Variants in ARHGAP15 observed in about 807,000 individuals in gnomAD.
ARHGAP15 encodes Rho GTPase activating protein 15.
ARHGAP15 carries 51 observed loss-of-function variants against 63.7 expected under a neutral mutation model. The observed-to-expected ratio is 0.80, with a 90% CI of 0.64 to 1.01. The LOEUF is 1.01. Ranked by LOEUF, ARHGAP15 falls within the 50% of genes least tolerant of loss-of-function variation. The pLI is 0.00. For synonymous variants in ARHGAP15, 191 were observed against 193.8 expected, an observed-to-expected ratio of 0.99 and a Z score of 0.12; for missense variants, 560 against 564.6, an observed-to-expected ratio of 0.99 and a Z score of 0.08.
chr2:143,145,876 GTGTA>G (rs1163945224), intron 1 of ARHGAP15, among the ~76,000 whole-genome samples: 37 of 116,812 alleles, frequency 3.2e-4, no homozygotes, highest in African/African-American at 1.0e-3. Context: ...GTGTGTGTGT[GTGTA>G]TAATATATAT....
At chr2:143,662,198 C>T (rs1437809057) in intron 12 of ARHGAP15, among the ~76,000 whole-genome samples, 1 of 152,078 alleles carries the variant, frequency 6.6e-6, no homozygotes, top group Non-Finnish European at 1.5e-5. Context: ...AGTGGTTCTC[C>T]CAGCATGCAG....
At chr2:143,358,670 AATAG>A (rs1186601619) in intron 6 of ARHGAP15, among the ~76,000 whole-genome samples, 5 of 151,826 alleles carry the variant, frequency 3.3e-5, no homozygotes, top group Admixed American at 2.6e-4. Context: ...TCTATAAGGA[AATAG>A]ATAGCTATGC....
At chr2:143,748,832 A>T (rs770205276) in intron 13 of ARHGAP15, among the ~76,000 whole-genome samples, 21 of 152,158 alleles carry the variant, frequency 1.4e-4, no homozygotes, top group Non-Finnish European at 2.2e-4. Context: ...TTCCCCTGGG[A>T]TATCTGGTCT....
chr2:143,759,751 C>T (rs1433235471), intron 13 of ARHGAP15, among the ~76,000 whole-genome samples: 1 of 152,002 alleles, frequency 6.6e-6, no homozygotes, highest in Non-Finnish European at 1.5e-5. Flanking sequence ...AATCTCCCTT[C>T]CTTAGAGAGG....
chr2:143,360,978 T>A (rs1038829614), intron 6 of ARHGAP15, among the ~76,000 whole-genome samples: 4 of 152,168 alleles, frequency 2.6e-5, no homozygotes, highest in African/African-American at 9.7e-5. Flanking sequence ...AATGTCTCTA[T>A]GTAGATCTCT....
Position 143,660,485 on chromosome 2 carries a change from G to A in ARHGAP15, c.1138+36218G>A, listed in dbSNP as rs141915979. Among the ~76,000 whole-genome samples, 6 of 152,298 alleles carry A rather than the reference G, an allele frequency of 3.9e-5. No homozygotes were observed. The East Asian group carries it at 9.6e-4, about 24-fold the overall frequency. ...GTTTAACCTGTCTAAGAATCAAAGG[G>A]TTGGAAACAAGGAAGACTTTATTTT... On this transcript the variant is annotated intron_variant, in intron 12 of 13. Coordinates refer to ENST00000295095, the MANE Select transcript of ARHGAP15 (RefSeq NM_018460.4).
intron 12 of ARHGAP15, among the ~76,000 whole-genome samples, chr2:143,642,742 T>C (rs1680667137): frequency 6.6e-6 from 1 of 151,826 alleles, no homozygotes; most frequent in South Asian, 2.1e-4. Flanking sequence ...AAAAATGCAG[T>C]GTTTGGGAGG....
At chr2:143,763,961 A>G (rs1686865016) in intron 13 of ARHGAP15, among the ~76,000 whole-genome samples, 1 of 151,564 alleles carries the variant, frequency 6.6e-6, no homozygotes, top group South Asian at 2.1e-4. Context: ...ACTCAGGAAA[A>G]AAATTTCAAG....
At chr2:143,364,318 A>T (rs1396229444) in intron 6 of ARHGAP15, among the ~76,000 whole-genome samples, 4 of 151,640 alleles carry the variant, frequency 2.6e-5, no homozygotes, top group Non-Finnish European at 5.9e-5. Flanking sequence ...CAGAAATTTA[A>T]TTTTTTCCTT....
intron 8 of ARHGAP15, among the ~76,000 whole-genome samples, chr2:143,443,296 A>G (rs545933391): frequency 1.3e-5 from 2 of 152,278 alleles, no homozygotes; most frequent in East Asian, 1.9e-4. Context: ...CAGATAAACC[A>G]TATCTAGTTC....
At chr2:143,431,700 CCAAA>C (rs1689396418) in intron 6 of ARHGAP15, among the ~76,000 whole-genome samples, 1 of 151,978 alleles carries the variant, frequency 6.6e-6, no homozygotes, top group South Asian at 2.1e-4. Flanking sequence ...TCCTATTTAT[CCAAA>C]CAGATTGTGA....
intron 6 of ARHGAP15, among the ~76,000 whole-genome samples, chr2:143,359,731 G>A (rs1685958763): frequency 6.6e-6 from 1 of 152,106 alleles, no homozygotes. Context: ...ATTATGCTTA[G>A]TTTTTATTCA....
At chr2:143,645,510 C>T (rs1244131154) in intron 12 of ARHGAP15, among the ~76,000 whole-genome samples, 1 of 152,060 alleles carries the variant, frequency 6.6e-6, no homozygotes, top group Non-Finnish European at 1.5e-5. Flanking sequence ...AGTCTCTGTA[C>T]TTATCACAGC....
At position 143,231,069 on chromosome 2, in the gene ARHGAP15, C is replaced by CTTTTTTTTTTT. The variant is rs914904536; in HGVS notation, c.384+2410_384+2420dup. Among the ~76,000 whole-genome samples the CTTTTTTTTTTT allele has an allele frequency of 5.1e-3, 643 of 125,354 alleles. 20 individuals carry two copies. Among genetic ancestry groups the CTTTTTTTTTTT allele is most frequent in the Middle Eastern group, 0.024 (5 of 210 alleles). The allele number at this position is 125,354 out of a possible 152,430, so 82.2% of individuals were successfully genotyped here. ...AGTTGGACTCTAGGGGATGTAATTC[C>CTTTTTTTTTTT]TTTTTTTTTTTTTTTTTTTACCACT... On this transcript the variant is annotated intron_variant, in intron 5 of 13. Coordinates refer to ENST00000295095, the MANE Select transcript of ARHGAP15 (RefSeq NM_018460.4).
chr2:143,216,000 G>A (rs1003136706), intron 3 of ARHGAP15, among the ~76,000 whole-genome samples: 2 of 152,156 alleles, frequency 1.3e-5, no homozygotes, highest in African/African-American at 4.8e-5. Flanking sequence ...GGCTTCGGAA[G>A]GTACATGGGG....
chr2:143,456,352 A>G (rs893818295), intron 8 of ARHGAP15, among the ~76,000 whole-genome samples: 1 of 152,166 alleles, frequency 6.6e-6, no homozygotes, highest in Non-Finnish European at 1.5e-5. Context: ...GAGGTTGTAG[A>G]GAAATATTTA....
At chr2:143,530,009 T>C (rs1694454528) in intron 10 of ARHGAP15, among the ~76,000 whole-genome samples, 1 of 152,182 alleles carries the variant, frequency 6.6e-6, no homozygotes. Flanking sequence ...AGGGCCTCAA[T>C]TCATAATGGA....
At chr2:143,310,676 GCCTTA>G (rs1356223368) in intron 6 of ARHGAP15, among the ~76,000 whole-genome samples, 1 of 151,930 alleles carries the variant, frequency 6.6e-6, no homozygotes, top group Non-Finnish European at 1.5e-5. Context: ...AAGTGTAGCT[GCCTTA>G]CCTTTTATTT....
At position 143,768,340 on chromosome 2, in the gene ARHGAP15, A is replaced by G. The variant is rs1368848947; in HGVS notation, c.*168A>G. 1.4e-6 allele frequency: 1 copy of G among 690,410 alleles called. No homozygotes were observed. 42.8% of individuals were successfully genotyped at this position (690,410 alleles called of 1,614,324 possible). ...TTTAAGTTCCAAACATTTGAATAAA[A>G]TAATTGACAATATTTGCCTCTATGT... On this transcript the variant is annotated 3_prime_UTR_variant, in exon 14 of 14. Coordinates refer to ENST00000295095, the MANE Select transcript of ARHGAP15 (RefSeq NM_018460.4).
Sources: gnomAD v4.1 joint callset for allele counts (sites outside exome capture counted in the v4.1 genomes callset) on GRCh38, gnomAD v4.1.1 for gene constraint, MANE v1.5 for transcripts, NCBI Gene and HGNC (gene_info 2026-07-23, HGNC 2026-07-21) for gene names.